Variants in CPLANE1 observed in about 807,000 individuals in gnomAD.
CPLANE1 encodes the protein ciliogenesis and planar polarity effector 1.
A neutral mutation model predicts 362.5 loss-of-function variants in CPLANE1; 263 were observed. The ratio of observed to expected loss-of-function variants is 0.73; its 90% CI spans 0.66 to 0.80. The LOEUF is 0.80. CPLANE1 is among the 30% of genes least tolerant of loss of function. The pLI, the probability that CPLANE1 is intolerant of heterozygous loss-of-function variation, is 0.00. For missense variants in CPLANE1, 3,461 were observed against 3,793.4 expected (o/e 0.91, Z 2.30); for synonymous variants, 1,212 against 1,302.6 (o/e 0.93, Z 1.50).
Position 37,209,950 on chromosome 5 carries a change from T to C in CPLANE1, c.2921-3525A>G, listed in dbSNP as rs761908691. 49 of 1,172,580 alleles carry C rather than the reference T, an allele frequency of 4.2e-5. No homozygotes were observed. Among genetic ancestry groups the C allele is most frequent in the African/African-American group, 1.4e-4 (9 of 66,466 alleles). 72.6% of individuals were successfully genotyped at this position (1,172,580 alleles called of 1,614,324 possible). A position where few individuals can be genotyped will look rare whatever the true frequency, so the allele number is the denominator to read the frequency against. ...CCTCAGCGTATCAAGTTTGAGTCTT[T>C]AGAAATAAAGCTAAATGAATATAAG... On this transcript the variant is annotated intron_variant, in intron 16 of 52. Coordinates refer to ENST00000651892, the MANE Select transcript of CPLANE1 (RefSeq NM_001384732.1). The surrounding 1 kb of genome is among the most constrained non-coding windows in gnomAD (Gnocchi z 4.6).
chr5:37,238,197 G>A (rs1799448705), intron 8 of CPLANE1, among the ~76,000 whole-genome samples: 1 of 152,114 alleles, frequency 6.6e-6, no homozygotes, highest in South Asian at 2.1e-4. Flanking sequence ...GTGTGTGACA[G>A]AGTCTCCCTC....
rs61112118 is a variant in CPLANE1 at position 37,187,060 on chromosome 5, C to CAAAAAAAAAAAAAAAAAA, written c.4080+336_4080+353dup. On this transcript the variant is annotated intron_variant, in intron 23 of 52. Coordinates refer to ENST00000651892, the MANE Select transcript of CPLANE1 (RefSeq NM_001384732.1). The stretch of plus-strand genomic sequence containing the variant: ...TGGGTGACAGAGCGAGACTCCGTCT[C>CAAAAAAAAAAAAAAAAAA]AAAAAAAAAAAAAAAAAAAAAAAAA... Among the ~76,000 whole-genome samples the CAAAAAAAAAAAAAAAAAA allele has an allele frequency of 2.4e-4, 12 of 50,404 alleles. 1 individual carries two copies. The highest frequency in any genetic ancestry group is 1.1e-3 in the African/African-American group (12 of 11,002). The allele number at this position is 50,404 out of a possible 152,430, so 33.1% of individuals were successfully genotyped here. A position where few individuals can be genotyped will look rare whatever the true frequency, so the allele number is the denominator to read the frequency against.
rs979156477 is a variant in CPLANE1 at position 37,209,373 on chromosome 5, C to T, written c.2921-2948G>A. The T allele has an allele frequency of 7.0e-5, 75 of 1,074,598 alleles. No homozygotes were observed. The highest frequency in any genetic ancestry group is 1.0e-4 in the Non-Finnish European group (69 of 690,924). The allele number at this position is 1,074,598 out of a possible 1,614,324, so 66.6% of individuals were successfully genotyped here. A position where few individuals can be genotyped will look rare whatever the true frequency, so the allele number is the denominator to read the frequency against. ...AGGAAGCTGACGGCTGATGATGGCT[C>T]AGTCCAACATGCTCCCCGTGGCTGA... On this transcript the variant is annotated intron_variant, in intron 16 of 52. Transcript: ENST00000651892. This position sits in a 1 kb window ranked among gnomAD's most constrained non-coding sequence, Gnocchi z 4.6.
At position 37,187,550 on chromosome 5, in the gene CPLANE1, G is replaced by C; in HGVS notation, c.3944C>G (p.Ser1315Cys). 6.2e-7 allele frequency: 1 copy of C among 1,607,616 alleles called. No homozygotes were observed. Among genetic ancestry groups the C allele is most frequent in the South Asian group, 1.1e-5 (1 of 88,860 alleles). Residue 1315 changes from serine (S) to cysteine (C), a missense_variant, in exon 23 of 53, where the codon TCT (serine) becomes TGT (cysteine). Physicochemically the swap from Ser to Cys is moderately radical, Grantham distance 112. This residue lies in a region of CPLANE1 where 3,380 missense variants were observed against 3,666.1 expected (regional missense o/e 0.92). Coordinates refer to ENST00000651892, the MANE Select transcript of CPLANE1 (RefSeq NM_001384732.1). ...ACTAAGACAGTGCTCAATCATACAA[G>C]AATCAAACTCCACTTCAAGGTCCTA... ...GEKDLEVEFD[S>C]CMIEHCLSAV...
At chr5:37,089,327 A>C in the CPLANE1 span, among the ~76,000 whole-genome samples, 1 of 152,124 alleles carries the variant, frequency 6.6e-6, no homozygotes, top group South Asian at 2.1e-4. Context: ...ATCCCTGTTC[A>C]TCTTTGGGGA....
chr5:37,096,879 G>T, the CPLANE1 span, among the ~76,000 whole-genome samples: 1 of 152,070 alleles, frequency 6.6e-6, no homozygotes, highest in Non-Finnish European at 1.5e-5. Context: ...TGCAAGAATG[G>T]CCATAGTAAA....
chr5:37,153,973 G>A lies in CPLANE1; in HGVS notation c.8140C>T (p.Arg2714Ter), dbSNP rs147416429. Residue 2714 changes from arginine to a stop codon, truncating the protein, a stop_gained, in exon 42 of 53, where the codon CGA (arginine) becomes TGA (stop). Transcript: ENST00000651892. LOFTEE classifies it high-confidence loss of function. ...QNKGLPKPEF[R>*]FKGQSTKSDS... is the part of the protein sequence containing the mutation. ...GACTTTGTGCTCTGTCCTTTGAATC[G>A]GAACTCTGGTTTTGGCAGACCTAAA... The A allele has an allele frequency of 2.2e-5, 36 of 1,610,206 alleles. No individual in the cohort carries two copies. Among genetic ancestry groups the A allele is most frequent in the East Asian group, 1.6e-4 (7 of 44,766 alleles).
chr5:37,119,002 G>A (rs150846474), intron 50 of CPLANE1, among the ~76,000 whole-genome samples: 13 of 151,932 alleles, frequency 8.6e-5, no homozygotes, highest in Middle Eastern at 3.2e-3. Flanking sequence ...GTGAGCCACC[G>A]CGCCGGGCCT....
Position 37,169,417 on chromosome 5 carries a change from GT to G in CPLANE1, c.6606del (p.Pro2203LeufsTer82). ...CTAGGTGCCTTCTGAACAACAGAAG[GT>G]GTGGACAAAAGGTAGAGGTGAGTAT... ...AGNTHLYLLS[T>X]PSVVQKAPRL... On this transcript the variant is annotated frameshift_variant, in exon 34 of 53. Coordinates refer to ENST00000651892, the MANE Select transcript of CPLANE1 (RefSeq NM_001384732.1). LOFTEE classifies it high-confidence loss of function. 1 of 1,614,182 alleles carries G rather than the reference GT, an allele frequency of 6.2e-7. No homozygotes were observed. Among genetic ancestry groups the G allele is most frequent in the Non-Finnish European group, 8.5e-7 (1 of 1,180,032 alleles).
At chr5:37,206,949 T>C (rs1323806573) in intron 16 of CPLANE1, among the ~76,000 whole-genome samples, 1 of 151,928 alleles carries the variant, frequency 6.6e-6, no homozygotes, top group African/African-American at 2.4e-5. Context: ...TGTTATGCAA[T>C]AAAAGACTAA....
intron 5 of CPLANE1, among the ~76,000 whole-genome samples, chr5:37,243,653 A>C (rs934233111): frequency 4.8e-4 from 70 of 147,340 alleles, no homozygotes; most frequent in Non-Finnish European, 7.5e-4. Context: ...CTCTCTCTCT[A>C]TATATAATAT....
intron 36 of CPLANE1, 36 bp downstream of exon 36, chr5:37,165,503 C>T (rs927150482): frequency 6.2e-7 from 1 of 1,601,618 alleles, no homozygotes; most frequent in East Asian, 2.2e-5. Flanking sequence ...AGTGTACATG[C>T]AAACCAGGGA....
rs368545254 is a variant in CPLANE1, at chr5:37,165,538, C to T, written c.7533+1G>A. 4 of 1,607,972 alleles carry T rather than the reference C, an allele frequency of 2.5e-6. No individual in the cohort carries two copies. Among genetic ancestry groups the T allele is most frequent in the Non-Finnish European group, 3.4e-6 (4 of 1,178,462 alleles). On this transcript the variant is annotated splice_donor_variant, in intron 36 of 52. Transcript: ENST00000651892. LOFTEE classifies it high-confidence loss of function. ...AAGAATCTATAGCAGTTTTTCTATA[C>T]CTTGGGTTTCTTAATGATTTCTGAA...
At chr5:37,132,371 G>A (rs1352889142) in intron 46 of CPLANE1, among the ~76,000 whole-genome samples, 2 of 114,478 alleles carry the variant, frequency 1.7e-5, no homozygotes, top group African/African-American at 6.7e-5. Flanking sequence ...TTGAGACAGA[G>A]TCTTGCTCTG....
chr5:37,182,973 T>G lies in CPLANE1; in HGVS notation c.5208A>C (p.Ala1736=). ...DINPQEDLPL[A]LNTFGSIGRL... The stretch of plus-strand genomic sequence containing the variant: ...TTCCTATACTGCCAAAAGTGTTTAG[T>G]GCTAAAGGAAGATCTTCTTGAGGGT... The change falls in exon 26 of 53, where the codon GCA becomes GCC. Residue 1736 remains alanine (A), a synonymous_variant. Transcript: ENST00000651892. 1 of 1,608,524 alleles carries G rather than the reference T, an allele frequency of 6.2e-7. No individual in the cohort carries two copies. The highest frequency in any genetic ancestry group is 8.5e-7 in the Non-Finnish European group (1 of 1,177,274).
In CPLANE1 at chr5:37,106,590, C is replaced by G. The variant is rs532743576; in HGVS notation, c.*1012G>C. On this transcript the variant is annotated 3_prime_UTR_variant, in exon 53 of 53. Coordinates refer to ENST00000651892, the MANE Select transcript of CPLANE1 (RefSeq NM_001384732.1). ...TAATGTTAGCCTATAAAGCTATTTTCTAAAACAATTTGGTAAGGAGAGTAG... is the reference window on the plus strand; with the variant it reads ...TAATGTTAGCCTATAAAGCTATTTTGTAAAACAATTTGGTAAGGAGAGTAG... 20 of 441,964 alleles carry G rather than the reference C, an allele frequency of 4.5e-5. No individual in the cohort carries two copies. The highest frequency in any genetic ancestry group is 4.2e-4 in the African/African-American group (20 of 47,326). The allele number at this position is 441,964 out of a possible 1,614,324, so 27.4% of individuals were successfully genotyped here.
chr5:37,083,487 G>A, the CPLANE1 span, among the ~76,000 whole-genome samples: 203 of 152,264 alleles, frequency 1.3e-3, 1 homozygote, highest in African/African-American at 4.6e-3. Flanking sequence ...AATCAGGGAG[G>A]CACCTGAGAA....
At chr5:37,175,640 T>C (rs972407928) in intron 31 of CPLANE1, among the ~76,000 whole-genome samples, 6 of 152,312 alleles carry the variant, frequency 3.9e-5, no homozygotes, top group African/African-American at 1.4e-4. Flanking sequence ...CATCTTTCAA[T>C]AATATATCAC....
At chr5:37,181,765 T>C (rs541002909) in intron 26 of CPLANE1, among the ~76,000 whole-genome samples, 4 of 152,154 alleles carry the variant, frequency 2.6e-5, no homozygotes, top group East Asian at 3.9e-4. Flanking sequence ...CAGACAGCTG[T>C]GATCCTAAGA....
Sources: allele counts gnomAD v4.1 joint callset (sites outside exome capture counted in the v4.1 genomes callset), GRCh38; gene constraint gnomAD v4.1.1; regional missense constraint gnomAD v4.1.1; non-coding constraint Gnocchi (gnomAD v3.1); transcripts MANE v1.5; gene names NCBI Gene and HGNC (gene_info 2026-07-23, HGNC 2026-07-21).